OPCML: variants seen among roughly 807,000 people sequenced by gnomAD.
OPCML encodes the protein opioid binding protein/cell adhesion molecule like, also known as opioid-binding protein/cell adhesion molecule.
Under a neutral mutation model 37.8 loss-of-function variants are expected in OPCML, and 13 were observed. The observed-to-expected ratio is 0.34, with a 90% CI of 0.22 to 0.55. OPCML has a LOEUF of 0.55. Ranked by LOEUF, OPCML falls within the 20% of genes least tolerant of loss-of-function variation. The pLI, the probability that OPCML is intolerant of heterozygous loss-of-function variation, is 0.91. For synonymous variants in OPCML, 176 were observed against 168.8 expected (o/e 1.04, Z -0.33); for missense variants, 341 against 435.6 (o/e 0.78, Z 1.93).
At chr11:132,724,102 A>C (rs1944782203) in intron 2 of OPCML, among the ~76,000 whole-genome samples, 1 of 152,170 alleles carries the variant, frequency 6.6e-6, no homozygotes, top group African/African-American at 2.4e-5. Context: ...TCAAGACCAC[A>C]CTAGCACAAG....
intron 4 of OPCML, among the ~76,000 whole-genome samples, chr11:132,482,192 A>G (rs1412243126): frequency 1.3e-3 from 194 of 151,430 alleles, no homozygotes; most frequent in African/African-American, 4.4e-3. Context: ...TAAAGAAAAA[A>G]AGAGAGAAGA....
chr11:133,186,339 T>C (rs1938070615), intron 1 of OPCML, among the ~76,000 whole-genome samples: 1 of 152,214 alleles, frequency 6.6e-6, no homozygotes, highest in African/African-American at 2.4e-5. Context: ...ATTTACTTTT[T>C]GTCAGTCTGA....
chr11:133,444,152 G>T (rs1276815237), intron 1 of OPCML, among the ~76,000 whole-genome samples: 1 of 152,074 alleles, frequency 6.6e-6, no homozygotes, highest in Non-Finnish European at 1.5e-5. Context: ...GCAGCAGCGA[G>T]GAGTGGAAAA....
At chr11:132,771,868 A>G (rs545724793) in intron 2 of OPCML, 2 of 152,352 alleles carry the variant, frequency 1.3e-5, no homozygotes, top group African/African-American at 2.4e-5. Context: ...TCTCATCTCT[A>G]TTTAACTCCA....
chr11:132,847,867 A>C (rs866738142), intron 2 of OPCML, among the ~76,000 whole-genome samples: 37 of 152,166 alleles, frequency 2.4e-4, no homozygotes, highest in African/African-American at 8.2e-4. Context: ...TGTTTTGTAC[A>C]TAAGCACCAG....
intron 1 of OPCML, among the ~76,000 whole-genome samples, chr11:133,117,398 T>C (rs1390800087): frequency 1.3e-5 from 2 of 152,192 alleles, no homozygotes; most frequent in South Asian, 2.1e-4. Flanking sequence ...ACCAGAGCTT[T>C]CGGGGCCTTC....
chr11:132,934,081 C>G (rs1330659092), intron 2 of OPCML, among the ~76,000 whole-genome samples: 3 of 152,210 alleles, frequency 2.0e-5, no homozygotes, highest in Non-Finnish European at 4.4e-5. Flanking sequence ...TACACATAAG[C>G]AGGGTAGACA....
intron 1 of OPCML, among the ~76,000 whole-genome samples, chr11:133,502,665 G>A (rs1212322862): frequency 6.6e-6 from 1 of 152,234 alleles, no homozygotes; most frequent in African/African-American, 2.4e-5. Flanking sequence ...TGAGAATGTT[G>A]TAGCCAGATC....
chr11:133,406,636 G>A (rs1179839639), intron 1 of OPCML, among the ~76,000 whole-genome samples: 1 of 152,212 alleles, frequency 6.6e-6, no homozygotes, highest in Non-Finnish European at 1.5e-5. Flanking sequence ...AATTGAATTT[G>A]TTTTCATTTA....
chr11:133,357,663 C>G (rs1944318492), intron 1 of OPCML, among the ~76,000 whole-genome samples: 1 of 152,008 alleles, frequency 6.6e-6, no homozygotes, highest in Admixed American at 6.6e-5. Context: ...GTGTCCACAC[C>G]CTAAATTAGC....
intron 1 of OPCML, among the ~76,000 whole-genome samples, chr11:133,348,374 C>G (rs1367211188): frequency 6.6e-6 from 1 of 152,186 alleles, no homozygotes; most frequent in Non-Finnish European, 1.5e-5. Context: ...GTGCATCGAG[C>G]AGGTGCTGCG....
intron 1 of OPCML, among the ~76,000 whole-genome samples, chr11:133,508,916 C>T (rs1323213127): frequency 6.6e-6 from 1 of 152,134 alleles, no homozygotes; most frequent in African/African-American, 2.4e-5. Flanking sequence ...CCTGTGCTTC[C>T]CAACGTGCCA....
At chr11:132,644,359 C>T (rs897242518) in intron 3 of OPCML, among the ~76,000 whole-genome samples, 6 of 152,048 alleles carry the variant, frequency 3.9e-5, no homozygotes, top group African/African-American at 1.2e-4. Context: ...CTAACAAAAA[C>T]CCAGTAATAA....
chr11:133,505,842 G>A (rs1948018371), intron 1 of OPCML, among the ~76,000 whole-genome samples: 1 of 152,164 alleles, frequency 6.6e-6, no homozygotes, highest in African/African-American at 2.4e-5. Context: ...AGTAATGACT[G>A]AATATGCAAG....
At chr11:132,469,081 T>C (rs947827322) in intron 4 of OPCML, among the ~76,000 whole-genome samples, 7 of 152,244 alleles carry the variant, frequency 4.6e-5, no homozygotes, top group Admixed American at 4.6e-4. Flanking sequence ...ATTTTATTCA[T>C]TAGACAAATG....
At chr11:133,439,988 T>C (rs555538155) in intron 1 of OPCML, among the ~76,000 whole-genome samples, 52 of 152,292 alleles carry the variant, frequency 3.4e-4, no homozygotes, top group Non-Finnish European at 6.9e-4. Flanking sequence ...TATAATAATC[T>C]TAATAAAAGT....
At chr11:133,282,526 G>A (rs1265615591) in intron 1 of OPCML, among the ~76,000 whole-genome samples, 1 of 152,238 alleles carries the variant, frequency 6.6e-6, no homozygotes, top group Non-Finnish European at 1.5e-5. Flanking sequence ...CAGGGGTGGA[G>A]CACTCACAGA....
intron 1 of OPCML, among the ~76,000 whole-genome samples, chr11:132,955,226 T>C (rs1019502230): frequency 6.6e-6 from 1 of 152,176 alleles, no homozygotes; most frequent in African/African-American, 2.4e-5. Flanking sequence ...TGAATATTTT[T>C]TTAATGTGTC....
intron 1 of OPCML, among the ~76,000 whole-genome samples, chr11:133,035,233 C>T (rs961293055): frequency 1.2e-4 from 18 of 152,306 alleles, no homozygotes; most frequent in African/African-American, 3.6e-4. Flanking sequence ...GTCATGTCGC[C>T]GAGGGCAGCA....
Sources: gnomAD v4.1 joint callset for allele counts (sites outside exome capture counted in the v4.1 genomes callset) on GRCh38, gnomAD v4.1.1 for gene constraint, MANE v1.5 for transcripts, NCBI Gene and HGNC (gene_info 2026-07-23, HGNC 2026-07-21) for gene names.